The following BTN2A1 variants were observed in gnomAD, a reference collection of about 807,000 sequenced individuals.
BTN2A1 encodes butyrophilin subfamily 2 member A1.
A neutral mutation model predicts 34.5 loss-of-function variants in BTN2A1; 41 were observed. The observed-to-expected ratio is 1.19, with a 90% CI of 0.93 to 1.54. The LOEUF (loss-of-function observed/expected upper bound fraction) is 1.54. Ranked by LOEUF, BTN2A1 falls within the 40% of genes most tolerant of loss-of-function variation. The pLI, the probability that BTN2A1 is intolerant of heterozygous loss-of-function variation, is 0.00. For synonymous variants in BTN2A1, 267 were observed against 258.6 expected (o/e 1.03, Z -0.31); for missense variants, 642 against 662.0 (o/e 0.97, Z 0.33).
At chr6:26,464,251 C>G (rs767129424) in intron 4 of BTN2A1, among the ~76,000 whole-genome samples, 22 of 152,282 alleles carry the variant, frequency 1.4e-4, no homozygotes, top group Admixed American at 8.5e-4. Flanking sequence ...TCCCTATAGA[C>G]ACACACTCAC....
Position 26,468,767 on chromosome 6 carries a change from T to G in BTN2A1, c.*218T>G. 2.5e-6 allele frequency: 4 copies of G among 1,605,972 alleles called. No homozygotes were observed. Among genetic ancestry groups the G allele is most frequent in the Non-Finnish European group, 3.4e-6 (4 of 1,175,570 alleles). On this transcript the variant is annotated 3_prime_UTR_variant, in exon 8 of 8. Coordinates refer to ENST00000312541, the MANE Select transcript of BTN2A1 (RefSeq NM_007049.5). ...AGTTCCTTTGCTTGTAACTATGGGA[T>G]GGGATCCAGGCATAGGGAACTAGTT...
chr6:26,467,980 C>G lies in BTN2A1; in HGVS notation c.1015C>G (p.Pro339Ala). 1 of 1,614,098 alleles carries G rather than the reference C, an allele frequency of 6.2e-7. No homozygotes were observed. Among genetic ancestry groups the G allele is most frequent in the Non-Finnish European group, 8.5e-7 (1 of 1,179,940 alleles). The change falls in exon 8 of 8, where the codon CCC becomes GCC. Residue 339 changes from proline to alanine, a missense_variant. Coordinates refer to ENST00000312541, the MANE Select transcript of BTN2A1 (RefSeq NM_007049.5). ...DVVLDPDTAHPDLFLSEDRRS... is the reference protein window; with the variant it reads ...DVVLDPDTAHADLFLSEDRRS... ...GGTCCTGGATCCAGACACCGCTCAT[C>G]CCGATCTCTTCCTGTCAGAGGACCG...
In BTN2A1 at chr6:26,463,239, C is replaced by A. The variant is rs373062702; in HGVS notation, c.431-5C>A. On this transcript the variant is annotated splice_polypyrimidine_tract_variant and splice_region_variant and intron_variant, in intron 3 of 7. Coordinates refer to ENST00000312541, the MANE Select transcript of BTN2A1 (RefSeq NM_007049.5). ...TTTTGCCTGAACCCTGATATCTCTC[C>A]ACAGGACTAGGCTCTAAGCCCCTCA... The A allele has an allele frequency of 1.7e-5, 27 of 1,578,220 alleles. No homozygotes were observed. In the African/African-American group the frequency reaches 3.7e-4, roughly 22 times the overall value.
chr6:26,467,663 G>C, intron 7 of BTN2A1: 1 of 1,504,096 alleles, frequency 6.6e-7, no homozygotes, highest in Non-Finnish European at 9.0e-7. Context: ...AATGCTGAGA[G>C]AAAGTATAAG....
At chr6:26,467,842 C>G (rs1290672199) in intron 7 of BTN2A1, 106 bp from the exon 8 acceptor site, 27 of 1,559,042 alleles carry the variant, frequency 1.7e-5, no homozygotes, top group Non-Finnish European at 2.3e-5. Context: ...GTGGCCACTA[C>G]GTGGGGATCC....
chr6:26,468,324 C>T lies in BTN2A1; in HGVS notation c.1359C>T (p.Phe453=). 2 of 1,614,158 alleles carry T rather than the reference C, an allele frequency of 1.2e-6. No individual in the cohort carries two copies. Among genetic ancestry groups the T allele is most frequent in the Non-Finnish European group, 1.7e-6 (2 of 1,180,026 alleles). ...AGTCCCTTTGCCGGGTGGGCGTCTT[C>T]CTGGACTATGAAGCTGGAGATGTCT... ...LKESLCRVGV[F]LDYEAGDVSF... Residue 453 remains phenylalanine (F), a synonymous_variant, in exon 8 of 8, where the codon TTC becomes TTT. Coordinates refer to ENST00000312541, the MANE Select transcript of BTN2A1 (RefSeq NM_007049.5).
chr6:26,464,409 C>T (rs9467760), intron 4 of BTN2A1, among the ~76,000 whole-genome samples: 16,778 of 152,182 alleles, frequency 0.11, 2,571 homozygotes, highest in African/African-American at 0.34. Context: ...TGGTAATGAA[C>T]ATCTATAGGA....
Position 26,465,410 on chromosome 6 carries a change from A to G in BTN2A1, c.934+4A>G, listed in dbSNP as rs770285409. ...GAGGAAGAACTTCAAGTAAAAGGTA[A>G]AAGAGGCTGAGTATGGTGGCTCATG... On this transcript the variant is annotated splice_donor_region_variant and intron_variant, in intron 5 of 7. Coordinates refer to ENST00000312541, the MANE Select transcript of BTN2A1 (RefSeq NM_007049.5). 4 of 1,613,520 alleles carry G rather than the reference A, an allele frequency of 2.5e-6. No individual in the cohort carries two copies. The Admixed American group carries it at 6.7e-5, about 27-fold the overall frequency.
At chr6:26,464,065 G>A (rs1460763351) in intron 4 of BTN2A1, among the ~76,000 whole-genome samples, 1 of 152,146 alleles carries the variant, frequency 6.6e-6, no homozygotes, top group East Asian at 1.9e-4. Context: ...GCCTTCCAAA[G>A]TGCTAGGATT....
chr6:26,470,441 G>A (rs1024430149), downstream of BTN2A1, among the ~76,000 whole-genome samples: 4 of 143,582 alleles, frequency 2.8e-5, no homozygotes, highest in Non-Finnish European at 5.9e-5. Flanking sequence ...TAGAGGATTC[G>A]GGAAGTAAAT....
downstream of BTN2A1, among the ~76,000 whole-genome samples, chr6:26,472,431 T>G (rs1763467823): frequency 6.6e-6 from 1 of 152,220 alleles, no homozygotes; most frequent in African/African-American, 2.4e-5. Context: ...CCACAGAGCC[T>G]AAATTCAAAC....
rs1763406500 is a variant in BTN2A1, at chr6:26,469,219, A to C, written c.*670A>C. ...TGTAGTTTGGCTCAGGTGTCCCTGC[A>C]GTTGGCAAGGAGTCAGTACTCAGTC... On this transcript the variant is annotated 3_prime_UTR_variant, in exon 8 of 8. Coordinates refer to ENST00000312541, the MANE Select transcript of BTN2A1 (RefSeq NM_007049.5). 1.5e-5 allele frequency: 15 copies of C among 1,032,666 alleles called. No homozygotes were observed. Among genetic ancestry groups the C allele is most frequent in the Non-Finnish European group, 1.6e-5 (14 of 858,106 alleles). The allele number at this position is 1,032,666 out of a possible 1,614,324, so 64.0% of individuals were successfully genotyped here.
chr6:26,459,652 C>T lies in BTN2A1; in HGVS notation c.254C>T (p.Thr85Ile). The T allele has an allele frequency of 1.2e-6, 2 of 1,614,044 alleles. No individual in the cohort carries two copies. Among genetic ancestry groups the T allele is most frequent in the Non-Finnish European group, 1.7e-6 (2 of 1,179,986 alleles). ...VFVYKGGRER[T>I]EEQMEEYRGR... Reference sequence around the variant, plus strand: ...GTGTATAAAGGTGGCAGAGAGAGAACAGAGGAGCAGATGGAGGAGTACCGA... The same window carrying T: ...GTGTATAAAGGTGGCAGAGAGAGAATAGAGGAGCAGATGGAGGAGTACCGA... The change falls in exon 3 of 8, where the codon ACA becomes ATA. Residue 85 changes from threonine (T) to isoleucine (I), a missense_variant. Thr to Ile is a moderately conservative substitution (Grantham distance 89). Transcript: ENST00000312541.
Position 26,463,361 on chromosome 6 carries a change from G to A in BTN2A1, c.548G>A (p.Gly183Asp), listed in dbSNP as rs371967907. ...KPLTVWRDPY[G>D]GVAPALKEVS... ...CTCACAGTGTGGAGGGACCCCTACG[G>A]TGGGGTTGCGCCTGCCCTGAAAGAG... Residue 183 changes from glycine (G) to aspartate (D), a missense_variant, in exon 4 of 8, where the codon GGT becomes GAT. By Grantham distance (94) the Gly-to-Asp change is moderately conservative. Transcript: ENST00000312541. 2.6e-5 allele frequency: 42 copies of A among 1,613,964 alleles called. No homozygotes were observed. The highest frequency in any genetic ancestry group is 6.7e-5 in the East Asian group (3 of 44,878).
At chr6:26,463,629 C>T (rs1382812139) in intron 4 of BTN2A1, 104 bp downstream of exon 4, 1 of 1,373,760 alleles carries the variant, frequency 7.3e-7, no homozygotes, top group Non-Finnish European at 1.0e-6. Flanking sequence ...TGAAATAGTC[C>T]TGGGCCCTAA....
Position 26,468,120 on chromosome 6 carries a change from A to G in BTN2A1, c.1155A>G (p.Lys385=). The part of the protein sequence containing the change: ...VLGRESFASG[K]HYWEVEVENV... The stretch of plus-strand genomic sequence containing the variant: ...GCCGGGAGAGCTTCGCTTCAGGGAA[A>G]CATTACTGGGAGGTGGAGGTGGAAA... The change falls in exon 8 of 8, where the codon AAA becomes AAG. Residue 385 remains lysine, a synonymous_variant. Coordinates refer to ENST00000312541, the MANE Select transcript of BTN2A1 (RefSeq NM_007049.5). The G allele has an allele frequency of 6.2e-7, 1 of 1,614,218 alleles. No individual in the cohort carries two copies. The highest frequency in any genetic ancestry group is 8.5e-7 in the Non-Finnish European group (1 of 1,180,034).
At position 26,458,705 on chromosome 6, in the gene BTN2A1, T is replaced by C; in HGVS notation, c.69T>C (p.Cys23=). ...TCCTCCTCCTCCTCCTCAGCCTGTG[T>C]GCACTGGTCTCAGGTAGGGATGTGT... ...ASLLLLLLSL[C]ALVSAQFIVV... The change falls in exon 2 of 8, where the codon TGT becomes TGC. Residue 23 remains cysteine (C), a synonymous_variant. Coordinates refer to ENST00000312541, the MANE Select transcript of BTN2A1 (RefSeq NM_007049.5). 1 of 1,614,100 alleles carries C rather than the reference T, an allele frequency of 6.2e-7. No homozygotes were observed. The highest frequency in any genetic ancestry group is 1.1e-5 in the South Asian group (1 of 91,076).
Position 26,476,251 on chromosome 6 carries a change from T to TC in BTN2A1, c.*121dup, listed in dbSNP as rs949641996. 1.4e-5 allele frequency: 20 copies of TC among 1,394,142 alleles called. No homozygotes were observed. In the African/African-American group the frequency reaches 2.7e-4, roughly 19 times the overall value. 86.4% of individuals were successfully genotyped at this position (1,394,142 alleles called of 1,614,324 possible). ...ATTCAGATGCAAATGACCAGAGCAC[T>TC]CCAAGTTGGAAAGAACTGCTGAGCG... On this transcript the variant is annotated 3_prime_UTR_variant, in exon 8 of 8. Coordinates refer to the BTN2A1 transcript ENST00000469185.
chr6:26,463,658 T>A (rs1398656072), intron 4 of BTN2A1, 133 bp downstream of exon 4: 1 of 1,056,228 alleles, frequency 9.5e-7, no homozygotes, highest in African/African-American at 1.6e-5. Context: ...AGGCTGCAGC[T>A]GAGTGAAGCC....
Sources: gnomAD v4.1 joint callset for allele counts (sites outside exome capture counted in the v4.1 genomes callset) on GRCh38, gnomAD v4.1.1 for gene constraint, MANE v1.5 for transcripts, NCBI Gene and HGNC (gene_info 2026-07-23, HGNC 2026-07-21) for gene names.